The following SLCO4C1 variants were observed in gnomAD, a reference collection of about 807,000 sequenced individuals.
SLCO4C1 encodes organic anion transporter M1.
A neutral mutation model predicts 72.1 loss-of-function variants in SLCO4C1; 58 were observed. The ratio of observed to expected loss-of-function variants is 0.80; its 90% CI spans 0.65 to 1.00. The LOEUF is 1.00. Among genes scored for constraint, SLCO4C1 ranks in the 50% least tolerant of loss-of-function variants. The pLI is 0.00. For synonymous variants in SLCO4C1, 297 were observed against 312.5 expected, an observed-to-expected ratio of 0.95 and a Z score of 0.52; for missense variants, 898 against 857.9, an observed-to-expected ratio of 1.05 and a Z score of -0.58.
chr5:102,260,015 T>A (rs1329314273), intron 6 of SLCO4C1, among the ~76,000 whole-genome samples, 198 bp downstream of exon 6: 1 of 151,904 alleles, frequency 6.6e-6, no homozygotes, highest in Non-Finnish European at 1.5e-5. Flanking sequence ...TGTGTTTGCA[T>A]GTGTGGGTAT....
chr5:102,236,723 T>A lies in SLCO4C1; in HGVS notation c.*135A>T. 1 of 1,020,276 alleles carries A rather than the reference T, an allele frequency of 9.8e-7. No individual in the cohort carries two copies. Among genetic ancestry groups the A allele is most frequent in the Non-Finnish European group, 1.4e-6 (1 of 707,674 alleles). The allele number at this position is 1,020,276 out of a possible 1,614,324, so 63.2% of individuals were successfully genotyped here. On this transcript the variant is annotated 3_prime_UTR_variant, in exon 13 of 13. Coordinates refer to ENST00000310954, the MANE Select transcript of SLCO4C1 (RefSeq NM_180991.5). ...AACAAAAACTACATAAGTAAAAAAA[T>A]ACATTTGATTATAAAAACATCAATT...
intron 12 of SLCO4C1, among the ~76,000 whole-genome samples, chr5:102,238,041 T>C (rs1188808387): frequency 2.6e-5 from 4 of 152,208 alleles, no homozygotes; most frequent in Non-Finnish European, 5.9e-5. Flanking sequence ...TGATTATTAA[T>C]ATTTTGTTTA....
chr5:102,280,882 G>A (rs1221788251), intron 2 of SLCO4C1, among the ~76,000 whole-genome samples: 1 of 152,098 alleles, frequency 6.6e-6, no homozygotes, highest in African/African-American at 2.4e-5. Context: ...TGAGATTTGA[G>A]TGGGGACACA....
chr5:102,295,011 G>C (rs1008779163), intron 1 of SLCO4C1, among the ~76,000 whole-genome samples: 1 of 152,054 alleles, frequency 6.6e-6, no homozygotes, highest in African/African-American at 2.4e-5. Context: ...GCTAAGCTTC[G>C]GCATGTCCTT....
chr5:102,285,936 C>G (rs1749444404), intron 2 of SLCO4C1, among the ~76,000 whole-genome samples: 1 of 152,102 alleles, frequency 6.6e-6, no homozygotes, highest in Non-Finnish European at 1.5e-5. Context: ...TTGAAAACCT[C>G]TAAAATTCTT....
chr5:102,245,232 T>C (rs1433432279), intron 10 of SLCO4C1, among the ~76,000 whole-genome samples: 1 of 152,140 alleles, frequency 6.6e-6, no homozygotes, highest in African/African-American at 2.4e-5. Flanking sequence ...CTAAACTCTC[T>C]AATCAGAAAA....
At chr5:102,242,211 T>C (rs2112336045) in intron 10 of SLCO4C1, among the ~76,000 whole-genome samples, 1 of 152,216 alleles carries the variant, frequency 6.6e-6, no homozygotes, top group East Asian at 1.9e-4. Context: ...ACAAAACAAC[T>C]CACCACCAAG....
chr5:102,269,904 T>C lies in SLCO4C1; in HGVS notation c.802+720A>G, dbSNP rs545132577. ...ATGGTGTTGGTTGGGTAGGTACCCTTTGGGTTTGATTCTGGGTGGGCGCAG... is the reference window on the plus strand; with the variant it reads ...ATGGTGTTGGTTGGGTAGGTACCCTCTGGGTTTGATTCTGGGTGGGCGCAG... On this transcript the variant is annotated intron_variant, in intron 3 of 12. Coordinates refer to ENST00000310954, the MANE Select transcript of SLCO4C1 (RefSeq NM_180991.5). Among the ~76,000 whole-genome samples the C allele has an allele frequency of 2.6e-5, 4 of 152,114 alleles. No individual in the cohort carries two copies. In the East Asian group the frequency reaches 5.8e-4, roughly 22 times the overall value.
intron 1 of SLCO4C1, among the ~76,000 whole-genome samples, chr5:102,295,493 C>G (rs1320485199): frequency 3.3e-5 from 5 of 152,154 alleles, no homozygotes; most frequent in African/African-American, 4.8e-5. Context: ...TACTCCTTCC[C>G]CTGAGGCAAT....
At chr5:102,273,015 C>CA (rs1354172280) in intron 2 of SLCO4C1, among the ~76,000 whole-genome samples, 2 of 53,078 alleles carry the variant, frequency 3.8e-5, no homozygotes, top group East Asian at 7.9e-4. Flanking sequence ...CAAACATGGG[C>CA]TAAATAACTC....
In SLCO4C1 at chr5:102,261,803, T is replaced by G. The variant is rs1580251561; in HGVS notation, c.1021+109A>C. On this transcript the variant is annotated intron_variant, in intron 5 of 12. Coordinates refer to ENST00000310954, the MANE Select transcript of SLCO4C1 (RefSeq NM_180991.5). ...AGTTTACATAGGCAGACAGTTGAGA[T>G]TCTATAAAAGAAACAGGGTGAATCT... 4.4e-6 allele frequency: 5 copies of G among 1,149,416 alleles called. No individual in the cohort carries two copies. In the East Asian group the frequency reaches 1.4e-4, roughly 32 times the overall value. 71.2% of individuals were successfully genotyped at this position (1,149,416 alleles called of 1,614,324 possible). A position where few individuals can be genotyped will look rare whatever the true frequency, so the allele number is the denominator to read the frequency against.
intron 3 of SLCO4C1, 124 bp from the exon 4 acceptor site, chr5:102,263,904 T>A: frequency 1.5e-6 from 1 of 656,492 alleles, no homozygotes; most frequent in South Asian, 2.3e-5. Context: ...AAATCACACA[T>A]ATTTTCACTA....
At chr5:102,261,066 C>A (rs1202722129) in intron 5 of SLCO4C1, among the ~76,000 whole-genome samples, 1 of 152,104 alleles carries the variant, frequency 6.6e-6, no homozygotes, top group Non-Finnish European at 1.5e-5. Context: ...AGCAAGAGCT[C>A]ATAGAGAAAA....
chr5:102,294,820 A>T (rs1749618162), intron 1 of SLCO4C1, among the ~76,000 whole-genome samples: 1 of 152,248 alleles, frequency 6.6e-6, no homozygotes, highest in African/African-American at 2.4e-5. Flanking sequence ...AAGAATAAGA[A>T]CAAAAAGTAT....
At chr5:102,281,756 A>C (rs530433201) in intron 2 of SLCO4C1, among the ~76,000 whole-genome samples, 6 of 152,282 alleles carry the variant, frequency 3.9e-5, no homozygotes, top group Admixed American at 3.3e-4. Flanking sequence ...TGGCTACACC[A>C]AATGCTGGCA....
chr5:102,247,254 T>C lies in SLCO4C1; in HGVS notation c.1809A>G (p.Leu603=). 1 of 1,526,922 alleles carries C rather than the reference T, an allele frequency of 6.5e-7. No homozygotes were observed. The highest frequency in any genetic ancestry group is 8.9e-7 in the Non-Finnish European group (1 of 1,127,808). 94.6% of individuals were successfully genotyped at this position (1,526,922 alleles called of 1,614,324 possible). Residue 603 remains leucine, a splice_region_variant and synonymous_variant, in exon 10 of 13, where the codon CTA becomes CTG. Transcript: ENST00000310954. ...MAGTPITVSI[L]RCVNHRQRSL... The stretch of plus-strand genomic sequence containing the variant: ...AAATTTCTCAACGTGCTACATACCT[T>C]AGGATAGACACAGTTATAGGAGTAC...
chr5:102,293,910 G>GTGTTT (rs1259883054), intron 1 of SLCO4C1, among the ~76,000 whole-genome samples: 1 of 151,794 alleles, frequency 6.6e-6, no homozygotes. Flanking sequence ...AATTTTTGTG[G>GTGTTT]TGTTTTGTTT....
chr5:102,286,635 T>C (rs1254869046), intron 2 of SLCO4C1, among the ~76,000 whole-genome samples: 1 of 152,120 alleles, frequency 6.6e-6, no homozygotes, highest in Non-Finnish European at 1.5e-5. Flanking sequence ...TATTTGTTCC[T>C]CTTAATTTTA....
intron 12 of SLCO4C1, among the ~76,000 whole-genome samples, chr5:102,237,394 A>T (rs1323308403): frequency 6.6e-6 from 1 of 151,978 alleles, no homozygotes; most frequent in Non-Finnish European, 1.5e-5. Flanking sequence ...CTTGAGTCCA[A>T]GAGTTCGAGA....
Sources: allele counts gnomAD v4.1 joint callset (sites outside exome capture counted in the v4.1 genomes callset), GRCh38; gene constraint gnomAD v4.1.1; transcripts MANE v1.5; gene names NCBI Gene and HGNC (gene_info 2026-07-23, HGNC 2026-07-21).